Variants in MOB1A observed in about 807,000 individuals in gnomAD.
The protein encoded by MOB1A is MOB1 Mps One Binder homolog A.
Under a neutral mutation model 25.1 loss-of-function variants are expected in MOB1A, and 10 were observed. That is an observed-to-expected ratio of 0.40 (90% CI 0.25 to 0.68). The LOEUF (loss-of-function observed/expected upper bound fraction) is 0.68, where lower values mean the gene tolerates loss of function less well. Ranked by LOEUF, MOB1A falls within the 30% of genes least tolerant of loss-of-function variation. The probability of loss-of-function intolerance (pLI) is 0.40; values close to 1 mark genes in which losing one functional copy is unlikely to be tolerated. For synonymous variants in MOB1A, 81 were observed against 79.5 expected, an observed-to-expected ratio of 1.02 and a Z score of -0.10; for missense variants, 177 against 256.3, an observed-to-expected ratio of 0.69 and a Z score of 2.11.
At chr2:74,167,796 C>T (rs980318602) in intron 2 of MOB1A, among the ~76,000 whole-genome samples, 1 of 152,024 alleles carries the variant, frequency 6.6e-6, no homozygotes, top group Non-Finnish European at 1.5e-5. Flanking sequence ...AGTCCCCTGC[C>T]CTGGAGTCTC....
rs949638463 is a variant in MOB1A, at chr2:74,156,103, T to G, written c.*465A>C. On this transcript the variant is annotated 3_prime_UTR_variant, in exon 6 of 6. Transcript: ENST00000396049. Reference sequence around the variant, plus strand: ...CAAGGATACTGAAAAATACATTTTTTATTCGTAAAATAAAAGAATAAAACC... The same window carrying G: ...CAAGGATACTGAAAAATACATTTTTGATTCGTAAAATAAAAGAATAAAACC... The G allele has an allele frequency of 3.3e-5, 5 of 153,252 alleles. No individual in the cohort carries two copies. The highest frequency in any genetic ancestry group is 1.2e-4 in the African/African-American group (5 of 41,464). 9.5% of individuals were successfully genotyped at this position (153,252 alleles called of 1,614,324 possible). A position where few individuals can be genotyped will look rare whatever the true frequency, so the allele number is the denominator to read the frequency against.
chr2:74,169,681 T>C (rs1293421361), intron 2 of MOB1A, among the ~76,000 whole-genome samples: 5 of 151,782 alleles, frequency 3.3e-5, no homozygotes, highest in Non-Finnish European at 7.4e-5. Flanking sequence ...CAGGCTGGAG[T>C]GCAGTGGTGC....
chr2:74,169,448 A>G (rs1693220970), intron 2 of MOB1A, among the ~76,000 whole-genome samples: 1 of 151,766 alleles, frequency 6.6e-6, no homozygotes, highest in South Asian at 2.1e-4. Flanking sequence ...GCAGTGAGCC[A>G]AGATCGTGAC....
intron 2 of MOB1A, 121 bp downstream of exon 2, chr2:74,172,465 A>C: frequency 2.1e-6 from 2 of 949,280 alleles, no homozygotes; most frequent in Non-Finnish European, 3.1e-6. Flanking sequence ...TTTGTACTTA[A>C]TGTTTCTTTA....
chr2:74,164,897 T>C (rs1693082141), intron 4 of MOB1A: 1 of 165,516 alleles, frequency 6.0e-6, no homozygotes, highest in South Asian at 2.0e-4. Context: ...TAATAACCAG[T>C]GTTGGTGAAG....
rs150805108 is a variant in MOB1A at position 74,176,518 on chromosome 2, A to C, written c.14+2143T>G. On this transcript the variant is annotated intron_variant, in intron 1 of 5. Transcript: ENST00000396049. ...AGTGGCTCACGCGTGTAATCCCTGC[A>C]CTTTGGGAGGCCGAGGTGGGCGGAT... Among the ~76,000 whole-genome samples, 8 of 152,154 alleles carry C rather than the reference A, an allele frequency of 5.3e-5. No individual in the cohort carries two copies. The East Asian group carries it at 1.6e-3, about 30-fold the overall frequency.
At chr2:74,163,657 T>C (rs1380732982) in intron 4 of MOB1A, among the ~76,000 whole-genome samples, 1 of 151,652 alleles carries the variant, frequency 6.6e-6, no homozygotes, top group Non-Finnish European at 1.5e-5. Flanking sequence ...TAAAAATAAA[T>C]TACAATAAAA....
At chr2:74,160,406 C>T (rs752295483) in intron 4 of MOB1A, among the ~76,000 whole-genome samples, 2 of 152,110 alleles carry the variant, frequency 1.3e-5, no homozygotes, top group East Asian at 1.9e-4. Flanking sequence ...AAAAGGCAGC[C>T]GGGCACAGTG....
chr2:74,165,196 T>C, intron 4 of MOB1A, 22 bp downstream of exon 4: 1 of 1,480,088 alleles, frequency 6.8e-7, no homozygotes, highest in East Asian at 2.5e-5. Context: ...AAAGAAAGAA[T>C]ACTTCGACAA....
intron 2 of MOB1A, 133 bp from the exon 3 acceptor site, chr2:74,167,240 T>C (rs1036714443): frequency 1.5e-6 from 1 of 648,678 alleles, no homozygotes; most frequent in African/African-American, 1.8e-5. Context: ...CCAATGATAC[T>C]GTAACTTGTA....
chr2:74,170,144 G>A (rs148214558), intron 2 of MOB1A, among the ~76,000 whole-genome samples: 1 of 148,386 alleles, frequency 6.7e-6, no homozygotes, highest in Non-Finnish European at 1.5e-5. Flanking sequence ...TTGTTTTTGT[G>A]TGTGTGTGTT....
At position 74,173,397 on chromosome 2, in the gene MOB1A, T is replaced by C. The variant is rs923368439; in HGVS notation, c.15-645A>G. ...TTCGGTTTTTTTTTTTTTTTTTTTT[T>C]TGAGATGTAGTCTTACTCTGTCACC... On this transcript the variant is annotated intron_variant, in intron 1 of 5. Transcript: ENST00000396049. 2.3e-5 allele frequency among the ~76,000 whole-genome samples: 3 copies of C among 132,528 alleles called. 1 individual carries two copies. Among genetic ancestry groups the C allele is most frequent in the Middle Eastern group, 6.8e-3 (2 of 292 alleles). The allele number at this position is 132,528 out of a possible 152,430, so 86.9% of individuals were successfully genotyped here.
At chr2:74,171,714 G>A (rs1693298725) in intron 2 of MOB1A, among the ~76,000 whole-genome samples, 1 of 152,096 alleles carries the variant, frequency 6.6e-6, no homozygotes, top group African/African-American at 2.4e-5. Flanking sequence ...ACCAGCCTGG[G>A]CAACATGGTG....
chr2:74,178,597 C>G (rs1449871476), intron 1 of MOB1A, 64 bp downstream of exon 1: 4 of 1,266,010 alleles, frequency 3.2e-6, no homozygotes, highest in South Asian at 1.9e-5. Flanking sequence ...CGCCTCAGGT[C>G]CGGGGAGGCC....
intron 4 of MOB1A, among the ~76,000 whole-genome samples, chr2:74,161,532 T>G (rs1332163837): frequency 1.3e-5 from 2 of 151,734 alleles, no homozygotes; most frequent in Non-Finnish European, 2.9e-5. Context: ...TCCCAGCTAC[T>G]CGGGAGGCTG....
At chr2:74,156,964 A>T (rs973580760) in intron 5 of MOB1A, among the ~76,000 whole-genome samples, 7 of 151,642 alleles carry the variant, frequency 4.6e-5, no homozygotes, top group African/African-American at 1.7e-4. Flanking sequence ...AAATATAGGT[A>T]TGATATTGTG....
chr2:74,166,184 T>C (rs577970164), intron 3 of MOB1A, among the ~76,000 whole-genome samples: 2 of 152,194 alleles, frequency 1.3e-5, no homozygotes, highest in African/African-American at 2.4e-5. Flanking sequence ...TTATGAGTGA[T>C]AGAGTTCCAT....
chr2:74,156,516 T>C lies in MOB1A; in HGVS notation c.*52A>G, dbSNP rs1423617542. The C allele has an allele frequency of 1.6e-6, 2 of 1,263,004 alleles. No individual in the cohort carries two copies. Among genetic ancestry groups the C allele is most frequent in the Non-Finnish European group, 2.3e-6 (2 of 884,576 alleles). The allele number at this position is 1,263,004 out of a possible 1,614,324, so 78.2% of individuals were successfully genotyped here. A position where few individuals can be genotyped will look rare whatever the true frequency, so the allele number is the denominator to read the frequency against. ...TAGTCTATAACAGATAGCAATGAGA[T>C]AGTTCTAGCAATAGATGAAGCAAGG... On this transcript the variant is annotated 3_prime_UTR_variant, in exon 6 of 6. Transcript: ENST00000396049.
chr2:74,159,272 T>C lies in MOB1A; in HGVS notation c.410-18A>G, dbSNP rs777556818. ...TGGGACACCTGCAATTAAATACACATATGAAACAATTATTTGGTTATCTAA... is the reference window on the plus strand; with the variant it reads ...TGGGACACCTGCAATTAAATACACACATGAAACAATTATTTGGTTATCTAA... On this transcript the variant is annotated intron_variant, in intron 4 of 5. Coordinates refer to ENST00000396049, the MANE Select transcript of MOB1A (RefSeq NM_018221.5). 7 of 1,605,220 alleles carry C rather than the reference T, an allele frequency of 4.4e-6. No homozygotes were observed. Among genetic ancestry groups the C allele is most frequent in the Non-Finnish European group, 5.1e-6 (6 of 1,174,140 alleles).
Sources: allele counts gnomAD v4.1 joint callset (sites outside exome capture counted in the v4.1 genomes callset), GRCh38; gene constraint gnomAD v4.1.1; transcripts MANE v1.5; gene names NCBI Gene and HGNC (gene_info 2026-07-23, HGNC 2026-07-21).